Variants in USP9X observed in about 807,000 individuals in gnomAD.
USP9X encodes ubiquitin carboxyl-terminal hydrolase 9X.
USP9X carries 7 observed loss-of-function variants against 190.3 expected under a neutral mutation model. That is an observed-to-expected ratio of 0.04 (90% confidence interval 0.02 to 0.07). USP9X has a LOEUF of 0.07. Ranked by LOEUF, USP9X falls within the 10% of genes least tolerant of loss-of-function variation. The probability of loss-of-function intolerance (pLI) is 1.00; values close to 1 mark genes in which losing one functional copy is unlikely to be tolerated. For missense variants in USP9X, 1,010 were observed against 1,916.9 expected (o/e 0.53, Z 8.83); for synonymous variants, 645 against 659.5 (o/e 0.98, Z 0.34).
rs2147293555 is a variant in USP9X at position 41,236,483 on chromosome X, ACTTCTTAGC to A, written c.*3963_*3971del. ...GGAAATTTCACCACCCAAGTCATGC[ACTTCTTAGC>A]CTTTTACAAGCCAACAGACTGACAT... On this transcript the variant is annotated 3_prime_UTR_variant, in exon 45 of 45. Transcript: ENST00000378308. The A allele has an allele frequency of 8.9e-6, 1 of 112,523 alleles. No individual in the cohort carries two copies. The highest frequency in any genetic ancestry group is 3.6e-4 in the South Asian group (1 of 2,773). 9.3% of individuals were successfully genotyped at this position (112,523 alleles called of 1,213,427 possible).
Position 41,170,069 on chromosome X carries a change from T to G in USP9X, c.2711T>G (p.Val904Gly). The G allele has an allele frequency of 1.7e-6, 2 of 1,211,296 alleles. No homozygotes were observed. Among genetic ancestry groups the G allele is most frequent in the Non-Finnish European group, 2.2e-6 (2 of 895,345 alleles). ...NQGRQVDDLE[V>G]WSHTNDTIGS... ...GGCAGACAGGTTGATGACTTGGAGGTATGGTCTCATACAAATGATACAATT... is the reference window on the plus strand; with the variant it reads ...GGCAGACAGGTTGATGACTTGGAGGGATGGTCTCATACAAATGATACAATT... Residue 904 changes from valine (V) to glycine (G), a missense_variant, in exon 19 of 45, where the codon GTA (valine) becomes GGA (glycine). By Grantham distance (109) the Val-to-Gly change is moderately radical. Coordinates refer to ENST00000378308, the MANE Select transcript of USP9X (RefSeq NM_001039591.3).
Position 41,223,416 on chromosome X carries a change from C to T in USP9X, c.6751+14C>T. 8.3e-7 allele frequency: 1 copy of T among 1,203,631 alleles called. No individual in the cohort carries two copies. The highest frequency in any genetic ancestry group is 1.1e-6 in the Non-Finnish European group (1 of 888,612). On this transcript the variant is annotated intron_variant, in intron 39 of 44. Transcript: ENST00000378308. ...CTTCAATCAATGGTAAATTTGAATG[C>T]TCCATTCTTTACACTAGTTTTGTTT...
chrX:41,089,203 T>A (rs910169430), intron 1 of USP9X, among the ~76,000 whole-genome samples: 1 of 112,212 alleles, frequency 8.9e-6, no homozygotes, highest in Non-Finnish European at 1.9e-5. Context: ...GATTATCATT[T>A]GAGCATTAAT....
intron 1 of USP9X, among the ~76,000 whole-genome samples, chrX:41,112,943 A>G (rs1392504223): frequency 8.9e-6 from 1 of 112,090 alleles, no homozygotes; most frequent in East Asian, 2.8e-4. Flanking sequence ...TGCTGTTTTT[A>G]TTTTGTGCTC....
intron 25 of USP9X, among the ~76,000 whole-genome samples, chrX:41,188,591 T>C (rs2062903346): frequency 8.9e-6 from 1 of 111,941 alleles, no homozygotes; most frequent in African/African-American, 3.3e-5. Context: ...GTTGGCTTTT[T>C]GATTTATCAT....
chrX:41,125,707 C>CTG (rs2062239829), intron 2 of USP9X, among the ~76,000 whole-genome samples: 3 of 104,159 alleles, frequency 2.9e-5, no homozygotes, highest in African/African-American at 1.1e-4. Context: ...CTCTCTCTCT[C>CTG]TCTCTCTCTC....
At chrX:41,102,609 C>T (rs1036224670) in intron 1 of USP9X, among the ~76,000 whole-genome samples, 3 of 111,032 alleles carry the variant, frequency 2.7e-5, no homozygotes, top group Non-Finnish European at 3.8e-5. Context: ...GGCGACAGAA[C>T]GAGACTGTCT....
chrX:41,220,375 C>T (rs1018692643), intron 38 of USP9X, among the ~76,000 whole-genome samples: 1 of 111,998 alleles, frequency 8.9e-6, no homozygotes, highest in African/African-American at 3.2e-5. Flanking sequence ...TAAAATTTTC[C>T]TGCTGAAAAC....
Position 41,143,155 on chromosome X carries a change from C to T in USP9X, c.1162-136C>T, listed in dbSNP as rs988326662. The T allele has an allele frequency of 3.0e-5, 13 of 434,562 alleles. No individual in the cohort carries two copies. The African/African-American group carries it at 3.1e-4, about 10-fold the overall frequency. The allele number at this position is 434,562 out of a possible 1,213,427, so 35.8% of individuals were successfully genotyped here. ...TTCATAATTTTCCATTAAAGCAACA[C>T]ATAAGTATATTTTACCAGTATTATA... On this transcript the variant is annotated intron_variant, in intron 9 of 44. Transcript: ENST00000378308.
chrX:41,104,299 G>A (rs2062054027), intron 1 of USP9X, among the ~76,000 whole-genome samples: 3 of 111,918 alleles, frequency 2.7e-5, no homozygotes, highest in African/African-American at 9.7e-5. Context: ...GGCAATTCCT[G>A]GGCTCAAGTG....
In USP9X at chrX:41,145,694, G is replaced by T. The variant is rs185063855; in HGVS notation, c.1419+1068G>T. On this transcript the variant is annotated intron_variant, in intron 11 of 44. Coordinates refer to ENST00000378308, the MANE Select transcript of USP9X (RefSeq NM_001039591.3). Reference sequence around the variant, plus strand: ...TGTATTATTTTTTACCTGGGTACTAGTTACACAGGTGTTCACATTGTGTAC... The same window carrying T: ...TGTATTATTTTTTACCTGGGTACTATTTACACAGGTGTTCACATTGTGTAC... 4.5e-5 allele frequency among the ~76,000 whole-genome samples: 5 copies of T among 111,758 alleles called. No homozygotes were observed. In the East Asian group the frequency reaches 1.4e-3, roughly 31 times the overall value.
intron 21 of USP9X, among the ~76,000 whole-genome samples, chrX:41,176,972 T>C (rs1329028734): frequency 8.9e-6 from 1 of 112,272 alleles, no homozygotes; most frequent in East Asian, 2.8e-4. Context: ...TTAAAATAAT[T>C]TCAAACTGTT....
chrX:41,148,586 A>C lies in USP9X; in HGVS notation c.1626+11A>C. The C allele has an allele frequency of 8.3e-7, 1 of 1,205,185 alleles. No homozygotes were observed. Among genetic ancestry groups the C allele is most frequent in the Non-Finnish European group, 1.1e-6 (1 of 890,427 alleles). ...TACAGTTGCTCCCAGGTAAGAGTGT[A>C]CTGCTTTGCTCACTTTTTGTGACTT... On this transcript the variant is annotated intron_variant, in intron 12 of 44. Transcript: ENST00000378308.
chrX:41,172,148 C>CA (rs143523515), intron 21 of USP9X, among the ~76,000 whole-genome samples, 190 bp downstream of exon 21: 27 of 105,260 alleles, frequency 2.6e-4, no homozygotes, highest in East Asian at 1.2e-3. Flanking sequence ...TAAGTGGCTA[C>CA]AAAAAAAAAA....
intron 1 of USP9X, among the ~76,000 whole-genome samples, chrX:41,089,256 G>C (rs2061935365): frequency 8.9e-6 from 1 of 112,220 alleles, no homozygotes; most frequent in Admixed American, 9.4e-5. Flanking sequence ...ATTGCCTTAC[G>C]ATGGGTCTGA....
chrX:41,204,749 T>A (rs2063075377), intron 31 of USP9X, among the ~76,000 whole-genome samples: 1 of 112,139 alleles, frequency 8.9e-6, no homozygotes, highest in South Asian at 3.7e-4. Context: ...TGTACAAGTT[T>A]ACAACCTAGG....
intron 26 of USP9X, among the ~76,000 whole-genome samples, chrX:41,193,173 G>A (rs1482056480): frequency 9.0e-6 from 1 of 111,024 alleles, no homozygotes; most frequent in African/African-American, 3.3e-5. Flanking sequence ...AGTAAAGTCA[G>A]AGAGGATAAC....
At chrX:41,187,950 C>T (rs1335561376) in intron 24 of USP9X, 42 bp from the exon 25 acceptor site, 4 of 1,149,104 alleles carry the variant, frequency 3.5e-6, no homozygotes, top group African/African-American at 3.6e-5. Flanking sequence ...CATAATTTCA[C>T]TCTCATTCTA....
chrX:41,157,982 TATA>T (rs1248752932), intron 14 of USP9X, among the ~76,000 whole-genome samples: 1 of 111,856 alleles, frequency 8.9e-6, no homozygotes, highest in African/African-American at 3.3e-5. Flanking sequence ...ACTTGAAAAG[TATA>T]ATAACCAAAA....
Sources: allele counts gnomAD v4.1 joint callset (sites outside exome capture counted in the v4.1 genomes callset), GRCh38; gene constraint gnomAD v4.1.1; transcripts MANE v1.5; gene names NCBI Gene and HGNC (gene_info 2026-07-23, HGNC 2026-07-21).